FLII: variants seen among roughly 807,000 people sequenced by gnomAD.
FLII encodes protein flightless-1 homolog.
A neutral mutation model predicts 156.2 loss-of-function variants in FLII; 101 were observed. The observed-to-expected ratio is 0.65, with a 90% CI of 0.55 to 0.76. FLII has a LOEUF of 0.76. Ranked by LOEUF, FLII falls within the 30% of genes least tolerant of loss-of-function variation. The pLI, the probability that FLII is intolerant of heterozygous loss-of-function variation, is 0.00. For synonymous variants in FLII, 767 were observed against 685.8 expected (o/e 1.12, Z -1.85); for missense variants, 1,675 against 1,682.8 (o/e 1.00, Z 0.08).
At chr17:18,253,061 A>G (rs2605140) in intron 9 of FLII, among the ~76,000 whole-genome samples, 59,523 of 152,114 alleles carry the variant, frequency 0.39, 12,599 homozygotes, top group African/African-American at 0.54. Flanking sequence ...GAGGCAGGAG[A>G]TTCGCTTGAA....
At chr17:18,253,745 G>A (rs776040904) in intron 7 of FLII, 26 bp from the exon 8 acceptor site, 7 of 1,572,114 alleles carry the variant, frequency 4.5e-6, no homozygotes, top group Non-Finnish European at 6.1e-6. Context: ...GGGTGCATCA[G>A]CTGGGGCCCA....
chr17:18,245,051 G>T lies in FLII; in HGVS notation c.*87C>A. 1 of 1,424,738 alleles carries T rather than the reference G, an allele frequency of 7.0e-7. No homozygotes were observed. The highest frequency in any genetic ancestry group is 9.6e-7 in the Non-Finnish European group (1 of 1,039,560). The allele number at this position is 1,424,738 out of a possible 1,614,324, so 88.3% of individuals were successfully genotyped here. The stretch of plus-strand genomic sequence containing the variant: ...GCACTGGACGTGGCTGGAGCAGGTG[G>T]TGTCACCTGAGTACATTCTTTGCTA... On this transcript the variant is annotated 3_prime_UTR_variant, in exon 30 of 30. Transcript: ENST00000327031.
chr17:18,253,181 A>G, intron 9 of FLII, 120 bp downstream of exon 9: 1 of 975,592 alleles, frequency 1.0e-6, no homozygotes, highest in South Asian at 1.6e-5. Flanking sequence ...AGAAAAGAAA[A>G]GGTGAATTAA....
intron 12 of FLII, 34 bp from the exon 13 acceptor site, chr17:18,251,511 TGTGA>T: frequency 6.3e-7 from 1 of 1,578,024 alleles, no homozygotes; most frequent in Non-Finnish European, 8.6e-7. Flanking sequence ...GGCTTGACTC[TGTGA>T]AGCCACTCAG....
Position 18,247,155 on chromosome 17 carries a change from G to GGCCCT in FLII, c.2676+9_2676+13dup, listed in dbSNP as rs2048099582. The GGCCCT allele has an allele frequency of 1.0e-6, 1 of 987,676 alleles. No individual in the cohort carries two copies. Among genetic ancestry groups the GGCCCT allele is most frequent in the East Asian group, 3.8e-5 (1 of 26,546 alleles). 61.2% of individuals were successfully genotyped at this position (987,676 alleles called of 1,614,324 possible). A position where few individuals can be genotyped will look rare whatever the true frequency, so the allele number is the denominator to read the frequency against. On this transcript the variant is annotated intron_variant, in intron 21 of 29. Coordinates refer to ENST00000327031, the MANE Select transcript of FLII (RefSeq NM_002018.4). ...ACCCCCCCCCCCGCGCCCCGGTCCC[G>GGCCCT]GCCCTGCCCCCACCTCGGCCAGCGA...
At chr17:18,248,138 G>T in intron 18 of FLII, 105 bp from the exon 19 acceptor site, 2 of 712,336 alleles carry the variant, frequency 2.8e-6, no homozygotes, top group South Asian at 1.8e-5. Context: ...GTGGCTCACT[G>T]ACTGCTTCTG....
chr17:18,247,128 CCA>C lies in FLII; in HGVS notation c.2676+39_2676+40del, dbSNP rs752491323. 6.9e-4 allele frequency: 506 copies of C among 734,508 alleles called. 6 individuals are homozygous for C. Among genetic ancestry groups the C allele is most frequent in the African/African-American group, 3.7e-3 (161 of 44,026 alleles). 45.5% of individuals were successfully genotyped at this position (734,508 alleles called of 1,614,324 possible). ...ATAGGCCCCGCCCTCGGCCTGCCCCCCACCCCCCCCCCCGCGCCCCGGTCCCG... is the reference window on the plus strand; with the variant it reads ...ATAGGCCCCGCCCTCGGCCTGCCCCCCCCCCCCCCCCGCGCCCCGGTCCCG... On this transcript the variant is annotated intron_variant, in intron 21 of 29. Coordinates refer to ENST00000327031, the MANE Select transcript of FLII (RefSeq NM_002018.4).
chr17:18,247,891 A>G (rs1199928467), intron 19 of FLII, 38 bp downstream of exon 19: 13 of 1,613,108 alleles, frequency 8.1e-6, no homozygotes, highest in Non-Finnish European at 1.1e-5. Flanking sequence ...GCCAACGGGG[A>G]GGGATCTGGC....
chr17:18,246,391 G>C lies in FLII; in HGVS notation c.3123C>G (p.His1041Gln). ...LSHFKRKFIIHRGKRKAVQGA... is the reference protein window; with the variant it reads ...LSHFKRKFIIQRGKRKAVQGA... ...CCTGGACCGCCTTCCTCTTGCCCCG[G>C]TGGATGATGAACTTCCTCTTGAAAT... Residue 1041 changes from histidine (H) to glutamine (Q), a missense_variant, in exon 24 of 30, where the codon CAC becomes CAG. Physicochemically the swap from His to Gln is conservative, Grantham distance 24. Around this residue, in one of 2 missense-constraint regions of FLII, gnomAD observed 1,332 missense variants for 1,269.3 expected, o/e 1.05. Transcript: ENST00000327031. 1.2e-6 allele frequency: 2 copies of C among 1,614,030 alleles called. No homozygotes were observed. The highest frequency in any genetic ancestry group is 1.3e-5 in the African/African-American group (1 of 75,038).
In FLII at chr17:18,246,630, T is replaced by C; in HGVS notation, c.3015A>G (p.Gln1005=). 6.2e-7 allele frequency: 1 copy of C among 1,614,008 alleles called. No individual in the cohort carries two copies. Among genetic ancestry groups the C allele is most frequent in the South Asian group, 1.1e-5 (1 of 91,044 alleles). The change falls in exon 23 of 30, where the codon CAA becomes CAG. Residue 1005 remains glutamine, a synonymous_variant. Coordinates refer to ENST00000327031, the MANE Select transcript of FLII (RefSeq NM_002018.4). Reference sequence around the variant, plus strand: ...CAGGGAAGAGGCTCTCGAACTTCTTTTGCAGGCTGAAGGTGAAGGTGAGCC... The same window carrying C: ...CAGGGAAGAGGCTCTCGAACTTCTTCTGCAGGCTGAAGGTGAAGGTGAGCC... ...MGWLTFTFSL[Q]KKFESLFPGK...
intron 4 of FLII, 124 bp downstream of exon 4, chr17:18,255,059 C>T (rs1389491782): frequency 2.1e-6 from 2 of 937,046 alleles, no homozygotes; most frequent in Non-Finnish European, 3.6e-6. Context: ...AAGGTATTAT[C>T]CACTCCAAGA....
chr17:18,253,813 G>T, intron 7 of FLII, 94 bp from the exon 8 acceptor site: 2 of 1,278,508 alleles, frequency 1.6e-6, no homozygotes, highest in Non-Finnish European at 2.1e-6. Context: ...CCACCTCTGA[G>T]CTGTGTGGCT....
rs754321107 is a variant in FLII, at chr17:18,245,217, AGGCGCAGCC to A, written c.3722_3730del (p.Arg1241_Arg1243del). The A allele has an allele frequency of 3.7e-6, 6 of 1,613,832 alleles. No homozygotes were observed. Among genetic ancestry groups the A allele is most frequent in the Admixed American group, 3.3e-5 (2 of 60,004 alleles). On this transcript the variant is annotated inframe_deletion, in exon 30 of 30. Coordinates refer to ENST00000327031, the MANE Select transcript of FLII (RefSeq NM_002018.4). ...GTGCTGCTCATTGCCCTTGCGGACC[AGGCGCAGCC>A]GGCGCGGCCGCTCATGTTCCTTGGA...
chr17:18,253,860 C>T, intron 7 of FLII, 141 bp from the exon 8 acceptor site: 1 of 930,560 alleles, frequency 1.1e-6, no homozygotes, highest in Non-Finnish European at 1.6e-6. Context: ...CAAGTTTCTC[C>T]ATTTGGACAA....
chr17:18,245,684 G>A (rs761228345), intron 27 of FLII, 24 bp from the exon 28 acceptor site: 6 of 1,612,178 alleles, frequency 3.7e-6, no homozygotes, highest in East Asian at 2.2e-5. Context: ...GTCAAGGTGA[G>A]GCCAGAGGTC....
At chr17:18,250,809 G>A (rs2048238530) in intron 14 of FLII, 29 bp downstream of exon 14, 2 of 1,592,564 alleles carry the variant, frequency 1.3e-6, no homozygotes, top group East Asian at 2.2e-5. Flanking sequence ...ACCCCACTCT[G>A]CCCACCCCCA....
Position 18,252,108 on chromosome 17 carries a change from C to A in FLII, c.1137G>T (p.Pro379=), listed in dbSNP as rs202018439. Residue 379 remains proline, a synonymous_variant, in exon 11 of 30, where the codon CCG becomes CCT. Coordinates refer to ENST00000327031, the MANE Select transcript of FLII (RefSeq NM_002018.4). ...DVRENPNLVM[P]PKPADRAAEW... ...CAGCGGCACGGTCTGCGGGCTTGGG[C>A]GGCATGACCAGGTTGGGGTTCTCCC... The A allele has an allele frequency of 6.2e-7, 1 of 1,613,258 alleles. No individual in the cohort carries two copies. The highest frequency in any genetic ancestry group is 8.5e-7 in the Non-Finnish European group (1 of 1,180,034).
In FLII at chr17:18,246,851, G is replaced by A. The variant is rs771294527; in HGVS notation, c.2817-23C>T. The A allele has an allele frequency of 1.4e-4, 224 of 1,613,870 alleles. 3 individuals are homozygous for A. The highest frequency in any genetic ancestry group is 5.1e-6 in the Non-Finnish European group (6 of 1,179,888). ...TACCTGCCGGGTTGGAAGGTTGTGA[G>A]CAGGGGCTCGAGCCCCCAGCACCAG... On this transcript the variant is annotated intron_variant, in intron 22 of 29. Coordinates refer to ENST00000327031, the MANE Select transcript of FLII (RefSeq NM_002018.4).
chr17:18,246,711 C>G lies in FLII; in HGVS notation c.2934G>C (p.Glu978Asp). 4 of 1,613,406 alleles carry G rather than the reference C, an allele frequency of 2.5e-6. No homozygotes were observed. Among genetic ancestry groups the G allele is most frequent in the Non-Finnish European group, 3.4e-6 (4 of 1,179,652 alleles). ...TAEAEEKQPE[E>D]DFQCIVYFWQ... ...AGAAGTACACGATGCACTGGAAGTC[C>G]TCCTCTGGCTGCTTCTCCTCTGCCT... Residue 978 changes from glutamate (E) to aspartate (D), a missense_variant, in exon 23 of 30, where the codon GAG (glutamate) becomes GAC (aspartate). Transcript: ENST00000327031.
Sources: gnomAD v4.1 joint callset for allele counts (sites outside exome capture counted in the v4.1 genomes callset) on GRCh38, gnomAD v4.1.1 for gene constraint, gnomAD v4.1.1 regional missense constraint, MANE v1.5 for transcripts, NCBI Gene and HGNC (gene_info 2026-07-23, HGNC 2026-07-21) for gene names.